ZFPM2: variants seen among roughly 807,000 people sequenced by gnomAD.
ZFPM2 encodes zinc finger protein ZFPM2.
A neutral mutation model predicts 98.6 loss-of-function variants in ZFPM2; 20 were observed. The observed-to-expected ratio is 0.20, with a 90% CI of 0.14 to 0.29. The LOEUF is 0.29. Ranked by LOEUF, ZFPM2 falls within the 10% of genes least tolerant of loss-of-function variation. The probability of loss-of-function intolerance (pLI) is 1.00; values close to 1 mark genes in which losing one functional copy is unlikely to be tolerated. For missense variants in ZFPM2, 1,310 were observed against 1,388.6 expected, an observed-to-expected ratio of 0.94 and a Z score of 0.90; for synonymous variants, 518 against 502.7, an observed-to-expected ratio of 1.03 and a Z score of -0.41.
At chr8:105,536,591 G>A (rs1383632123) in intron 3 of ZFPM2, among the ~76,000 whole-genome samples, 1 of 151,892 alleles carries the variant, frequency 6.6e-6, no homozygotes, top group Non-Finnish European at 1.5e-5. Context: ...AGAATTCCTT[G>A]AGATGTTTAA....
At chr8:105,436,876 A>G (rs1412806478) in intron 2 of ZFPM2, among the ~76,000 whole-genome samples, 1 of 152,186 alleles carries the variant, frequency 6.6e-6, no homozygotes, top group East Asian at 1.9e-4. Context: ...CCATGTTTAG[A>G]TTTAGTATAG....
At chr8:105,525,416 A>G (rs1257284409) in intron 3 of ZFPM2, among the ~76,000 whole-genome samples, 3 of 152,226 alleles carry the variant, frequency 2.0e-5, no homozygotes, top group Non-Finnish European at 4.4e-5. Context: ...ATTCCGTGCC[A>G]GTCACCTGAT....
chr8:105,455,578 C>T (rs1812572488), intron 3 of ZFPM2, among the ~76,000 whole-genome samples: 1 of 141,634 alleles, frequency 7.1e-6, no homozygotes, highest in Non-Finnish European at 1.6e-5. Flanking sequence ...GTCACATGCT[C>T]ATATTTGCAT....
chr8:105,641,414 G>A (rs894134883), intron 5 of ZFPM2, among the ~76,000 whole-genome samples: 2 of 151,932 alleles, frequency 1.3e-5, no homozygotes, highest in African/African-American at 2.4e-5. Context: ...TGAGGAGTGA[G>A]CAATTTATTA....
intron 5 of ZFPM2, among the ~76,000 whole-genome samples, chr8:105,668,471 C>T (rs1817527766): frequency 6.6e-6 from 1 of 151,902 alleles, no homozygotes; most frequent in Non-Finnish European, 1.5e-5. Flanking sequence ...GAAAAAAGTA[C>T]TTCAGGCAGT....
At chr8:105,626,796 A>G (rs1163398347) in intron 4 of ZFPM2, among the ~76,000 whole-genome samples, 2 of 152,210 alleles carry the variant, frequency 1.3e-5, no homozygotes, top group Admixed American at 1.3e-4. Flanking sequence ...TACCCAGTTA[A>G]GGAAGCCACA....
intron 4 of ZFPM2, among the ~76,000 whole-genome samples, chr8:105,606,718 T>C (rs1816204531): frequency 6.6e-6 from 1 of 152,058 alleles, no homozygotes; most frequent in South Asian, 2.1e-4. Context: ...AACAGTCCCA[T>C]GGGACCGTGA....
intron 1 of ZFPM2, among the ~76,000 whole-genome samples, chr8:105,337,682 G>C (rs954583199): frequency 6.6e-6 from 1 of 151,244 alleles, no homozygotes; most frequent in Non-Finnish European, 1.5e-5. Flanking sequence ...TAATGTATTA[G>C]AGCATAGAGA....
intron 5 of ZFPM2, among the ~76,000 whole-genome samples, chr8:105,722,617 G>A (rs867769404): frequency 4.0e-5 from 6 of 151,866 alleles, no homozygotes; most frequent in African/African-American, 1.2e-4. Context: ...AAATCATAAT[G>A]AAGAGGAAAT....
intron 4 of ZFPM2, among the ~76,000 whole-genome samples, chr8:105,576,942 T>C (rs944726727): frequency 2.0e-5 from 3 of 152,146 alleles, no homozygotes; most frequent in African/African-American, 7.2e-5. Context: ...TAGTTTCCTT[T>C]ATAGTGGTAT....
At chr8:105,387,415 G>C (rs941475768) in intron 1 of ZFPM2, 6 of 155,054 alleles carry the variant, frequency 3.9e-5, no homozygotes, top group Admixed American at 6.5e-5. Flanking sequence ...GGCTGCGCAG[G>C]AGCCCACAGC....
chr8:105,791,267 C>G (rs1236817379), intron 6 of ZFPM2, among the ~76,000 whole-genome samples: 1 of 152,064 alleles, frequency 6.6e-6, no homozygotes, highest in African/African-American at 2.4e-5. Context: ...TACGTCCCAT[C>G]AATACCTAAT....
At chr8:105,405,727 C>T (rs1479638308) in intron 1 of ZFPM2, among the ~76,000 whole-genome samples, 3 of 151,992 alleles carry the variant, frequency 2.0e-5, no homozygotes, top group Admixed American at 6.6e-5. Context: ...GTGTATAGTG[C>T]CGCAATAAAC....
intron 5 of ZFPM2, among the ~76,000 whole-genome samples, chr8:105,672,387 GTCTT>G (rs1228991802): frequency 6.6e-6 from 1 of 151,634 alleles, no homozygotes; most frequent in Non-Finnish European, 1.5e-5. Context: ...TCTGTTTTCA[GTCTT>G]TCTTTATATT....
chr8:105,353,513 T>C (rs765262924), intron 1 of ZFPM2, among the ~76,000 whole-genome samples: 1 of 152,212 alleles, frequency 6.6e-6, no homozygotes, highest in Admixed American at 6.5e-5. Context: ...ACCAAAAAAC[T>C]ATGTAGGTTT....
intron 3 of ZFPM2, among the ~76,000 whole-genome samples, chr8:105,498,505 A>C (rs1405589189): frequency 6.6e-6 from 1 of 152,202 alleles, no homozygotes. Context: ...CACTTTATAC[A>C]ATTTTCAGTT....
chr8:105,584,706 G>T (rs1003341052), intron 4 of ZFPM2, among the ~76,000 whole-genome samples: 2 of 152,138 alleles, frequency 1.3e-5, no homozygotes, highest in African/African-American at 4.8e-5. Context: ...TCATGTGGAG[G>T]CCTGATAAAA....
intron 3 of ZFPM2, among the ~76,000 whole-genome samples, chr8:105,448,139 A>G (rs1812412801): frequency 6.6e-6 from 1 of 152,064 alleles, no homozygotes; most frequent in Non-Finnish European, 1.5e-5. Context: ...AAGCCAATAT[A>G]AAAGTCATTG....
chr8:105,696,076 C>T (rs919965986), intron 5 of ZFPM2, among the ~76,000 whole-genome samples: 1 of 152,192 alleles, frequency 6.6e-6, no homozygotes, highest in African/African-American at 2.4e-5. Flanking sequence ...ATTAATATAG[C>T]ATCCCTGCTG....
Sources: allele counts gnomAD v4.1 joint callset (sites outside exome capture counted in the v4.1 genomes callset), GRCh38; gene constraint gnomAD v4.1.1; transcripts MANE v1.5; gene names NCBI Gene and HGNC (gene_info 2026-07-23, HGNC 2026-07-21).